The following ROBO1 variants were observed in gnomAD, a reference collection of about 807,000 sequenced individuals.
ROBO1 encodes roundabout guidance receptor 1, also known as roundabout homolog 1.
In ROBO1, 149 loss-of-function variants were observed where a neutral mutation model predicts 195.9. The ratio of observed to expected loss-of-function variants is 0.76; its 90% confidence interval spans 0.67 to 0.87. ROBO1 has a LOEUF of 0.87. Among genes scored for constraint, ROBO1 ranks in the 40% least tolerant of loss-of-function variants. ROBO1 has a pLI of 0.00. For synonymous variants in ROBO1, 816 were observed against 733.2 expected, an observed-to-expected ratio of 1.11 and a Z score of -1.82; for missense variants, 1,933 against 2,068.3, an observed-to-expected ratio of 0.93 and a Z score of 1.27.
chr3:79,386,015 G>A (rs1427024327), intron 2 of ROBO1, among the ~76,000 whole-genome samples: 5 of 151,970 alleles, frequency 3.3e-5, no homozygotes, highest in African/African-American at 7.3e-5. Flanking sequence ...GGAAAATAAC[G>A]TAAAATTGTG....
At chr3:79,670,670 C>T (rs964962229) in intron 1 of ROBO1, among the ~76,000 whole-genome samples, 1 of 151,790 alleles carries the variant, frequency 6.6e-6, no homozygotes, top group African/African-American at 2.4e-5. Context: ...TAAACATTGG[C>T]ATTTTTCTAT....
rs1282594513 is a variant in ROBO1, at chr3:79,735,886, AC to A, written c.-51+31865del. On this transcript the variant is annotated intron_variant, in intron 1 of 30. Coordinates refer to ENST00000464233, the MANE Select transcript of ROBO1 (RefSeq NM_002941.4). ...ACTCCGTCTCAAAAAAAAAAAAAAA[AC>A]AAAAAAAAAACAAAAAATGCCTGAC... Among the ~76,000 whole-genome samples the A allele has an allele frequency of 4.5e-4, 43 of 95,786 alleles. 1 individual carries two copies. Among genetic ancestry groups the A allele is most frequent in the East Asian group, 2.6e-3 (9 of 3,418 alleles). The allele number at this position is 95,786 out of a possible 152,430, so 62.8% of individuals were successfully genotyped here.
Position 79,407,675 on chromosome 3 carries a change from T to G in ROBO1, c.88+182149A>C, listed in dbSNP as rs147048186. On this transcript the variant is annotated intron_variant, in intron 2 of 30. Coordinates refer to ENST00000464233, the MANE Select transcript of ROBO1 (RefSeq NM_002941.4). ...TGGGGTTGTTTTCTTATTTTCTAAA[T>G]GTGTTTGTTTAGAAAAGATAGAAGT... 3.4e-3 allele frequency among the ~76,000 whole-genome samples: 524 copies of G among 152,242 alleles called. 2 individuals are homozygous for G. Among genetic ancestry groups the G allele is most frequent in the African/African-American group, 0.012 (501 of 41,572 alleles).
At chr3:78,797,518 G>T (rs1455529541) in intron 4 of ROBO1, among the ~76,000 whole-genome samples, 1 of 152,134 alleles carries the variant, frequency 6.6e-6, no homozygotes, top group African/African-American at 2.4e-5. Flanking sequence ...CCATCTTCCA[G>T]CCTGCTTCTG....
chr3:79,505,925 C>CA (rs1255910698), intron 2 of ROBO1, among the ~76,000 whole-genome samples: 1 of 152,046 alleles, frequency 6.6e-6, no homozygotes, highest in East Asian at 1.9e-4. Context: ...GCCATGACCA[C>CA]AGTGTATGTA....
At chr3:79,273,913 C>T (rs1255308295) in intron 2 of ROBO1, among the ~76,000 whole-genome samples, 1 of 151,722 alleles carries the variant, frequency 6.6e-6, no homozygotes, top group African/African-American at 2.4e-5. Flanking sequence ...CTGTAAGAGA[C>T]AAAGAAGATC....
intron 22 of ROBO1, among the ~76,000 whole-genome samples, chr3:78,637,983 T>TGGGG (rs1237561551): frequency 2.2e-5 from 3 of 134,676 alleles, no homozygotes; most frequent in African/African-American, 9.4e-5. Flanking sequence ...GGGTTTTTTT[T>TGGGG]TGGGGGGGGG....
intron 21 of ROBO1, among the ~76,000 whole-genome samples, chr3:78,642,236 C>A (rs1330024411): frequency 6.6e-6 from 1 of 152,066 alleles, no homozygotes; most frequent in African/African-American, 2.4e-5. Flanking sequence ...AGGGCAAATG[C>A]ACTTTAGTAA....
intron 8 of ROBO1, among the ~76,000 whole-genome samples, chr3:78,711,398 C>CTTTCTTTCTTTCTTTCTTT (rs1491176844): frequency 2.5e-5 from 1 of 39,888 alleles, no homozygotes; most frequent in African/African-American, 6.9e-5. Flanking sequence ...TTCCTTCCTT[C>CTTTCTTTCTTTCTTTCTTT]CTTTCTTTCT....
intron 1 of ROBO1, among the ~76,000 whole-genome samples, chr3:79,591,710 T>G (rs1398879340): frequency 6.6e-6 from 1 of 151,914 alleles, no homozygotes; most frequent in Non-Finnish European, 1.5e-5. Context: ...CCATTCAATG[T>G]TTTGGCTTAT....
intron 3 of ROBO1, among the ~76,000 whole-genome samples, chr3:79,056,152 A>C (rs2078803711): frequency 6.6e-6 from 1 of 152,132 alleles, no homozygotes; most frequent in Non-Finnish European, 1.5e-5. Flanking sequence ...GCTCTACATA[A>C]ATCGGACTGT....
chr3:79,406,505 T>C (rs2037555835), intron 2 of ROBO1, among the ~76,000 whole-genome samples: 1 of 151,954 alleles, frequency 6.6e-6, no homozygotes, highest in African/African-American at 2.4e-5. Flanking sequence ...TATGGAGGGA[T>C]TTCTTTCCCC....
chr3:79,558,770 A>T (rs1942802730), intron 2 of ROBO1, among the ~76,000 whole-genome samples: 1 of 152,238 alleles, frequency 6.6e-6, no homozygotes, highest in Non-Finnish European at 1.5e-5. Context: ...AACAAAATCT[A>T]ATCACAATAG....
intron 2 of ROBO1, among the ~76,000 whole-genome samples, chr3:79,502,771 T>C (rs140518034): frequency 1.2e-4 from 18 of 150,068 alleles, no homozygotes; most frequent in African/African-American, 4.1e-4. Context: ...GCTCAGGGTT[T>C]GTGAATACAC....
intron 2 of ROBO1, among the ~76,000 whole-genome samples, chr3:79,467,953 A>C (rs1437544814): frequency 6.6e-6 from 1 of 152,138 alleles, no homozygotes; most frequent in African/African-American, 2.4e-5. Context: ...CTGTGAGCGG[A>C]GGTTAGGGAA....
intron 4 of ROBO1, among the ~76,000 whole-genome samples, chr3:78,880,077 T>G (rs947319772): frequency 4.6e-5 from 7 of 152,224 alleles, no homozygotes; most frequent in Non-Finnish European, 7.3e-5. Context: ...ATTTTGGGTC[T>G]ATTTATTCTA....
intron 2 of ROBO1, among the ~76,000 whole-genome samples, chr3:79,171,543 T>C (rs2081166590): frequency 1.3e-5 from 2 of 151,976 alleles, no homozygotes; most frequent in Admixed American, 1.3e-4. Flanking sequence ...GTTGCATCAG[T>C]ACAGATTACA....
At chr3:79,014,741 T>C (rs2077880152) in intron 3 of ROBO1, among the ~76,000 whole-genome samples, 1 of 152,238 alleles carries the variant, frequency 6.6e-6, no homozygotes, top group African/African-American at 2.4e-5. Flanking sequence ...GCTTTCCTTA[T>C]ATTTTCCTAT....
intron 1 of ROBO1, among the ~76,000 whole-genome samples, chr3:79,618,671 C>A (rs776550743): frequency 6.6e-6 from 1 of 152,136 alleles, no homozygotes; most frequent in Non-Finnish European, 1.5e-5. Flanking sequence ...GATTAAAAAG[C>A]CTTTTTGCTC....
Sources: gnomAD v4.1 joint callset for allele counts (sites outside exome capture counted in the v4.1 genomes callset) on GRCh38, gnomAD v4.1.1 for gene constraint, MANE v1.5 for transcripts, NCBI Gene and HGNC (gene_info 2026-07-23, HGNC 2026-07-21) for gene names.